The following MALRD1 variants were observed in gnomAD, a reference collection of about 807,000 sequenced individuals.
MALRD1 encodes the protein MAM and LDL-receptor class A domain-containing protein 1.
MALRD1 carries 247 observed loss-of-function variants against 242.1 expected under a neutral mutation model. The observed-to-expected ratio is 1.02, with a 90% CI of 0.92 to 1.13. The LOEUF (loss-of-function observed/expected upper bound fraction) is 1.13. MALRD1 is among the 50% of genes most tolerant of loss of function. The probability of loss-of-function intolerance (pLI) is 0.00; values close to 1 mark genes in which losing one functional copy is unlikely to be tolerated. For missense variants in MALRD1, 2,989 were observed against 2,533.1 expected (o/e 1.18, Z -3.86); for synonymous variants, 995 against 866.6 (o/e 1.15, Z -2.60).
At chr10:19,128,460 C>T (rs79836680) in intron 8 of MALRD1, 73 bp downstream of exon 8, 20 of 1,055,960 alleles carry the variant, frequency 1.9e-5, no homozygotes, top group South Asian at 4.9e-5. Context: ...ACTTGTGTTT[C>T]GATTTCTCAG....
chr10:19,162,830 C>A (rs890112357), intron 12 of MALRD1, among the ~76,000 whole-genome samples: 2 of 151,918 alleles, frequency 1.3e-5, no homozygotes, highest in Non-Finnish European at 2.9e-5. Flanking sequence ...ACCCACAGTA[C>A]TAGAAATTTT....
At chr10:19,101,841 C>A (rs934209578) in intron 4 of MALRD1, among the ~76,000 whole-genome samples, 2 of 135,284 alleles carry the variant, frequency 1.5e-5, no homozygotes, top group Non-Finnish European at 3.1e-5. Flanking sequence ...TATATCTCTA[C>A]TTGGAGATAT....
At chr10:19,065,481 T>C (rs1337667679) in intron 1 of MALRD1, among the ~76,000 whole-genome samples, 1 of 152,058 alleles carries the variant, frequency 6.6e-6, no homozygotes, top group African/African-American at 2.4e-5. Flanking sequence ...TGTAGCTATC[T>C]GCTGGTTTCT....
At chr10:19,238,465 TATA>T (rs1765880477) in intron 18 of MALRD1, among the ~76,000 whole-genome samples, 9 of 40,350 alleles carry the variant, frequency 2.2e-4, no homozygotes, top group Admixed American at 1.9e-3. Context: ...TAATATATAA[TATA>T]ATATATAATA....
chr10:19,670,922 G>A (rs1022297490), intron 36 of MALRD1, among the ~76,000 whole-genome samples: 5 of 145,476 alleles, frequency 3.4e-5, no homozygotes, highest in African/African-American at 1.0e-4. Flanking sequence ...TCTGTTGCCC[G>A]GGCTGGAGTG....
chr10:19,100,790 GT>G (rs1274758354), intron 4 of MALRD1, among the ~76,000 whole-genome samples: 19 of 150,784 alleles, frequency 1.3e-4, no homozygotes, highest in South Asian at 1.0e-3. Context: ...GAGGAATGGT[GT>G]TTTTTTTTGG....
chr10:19,180,018 G>C (rs544340301), intron 14 of MALRD1, among the ~76,000 whole-genome samples: 1 of 152,308 alleles, frequency 6.6e-6, no homozygotes, highest in South Asian at 2.1e-4. Flanking sequence ...TGGTGGATAA[G>C]CTTTTCCAAA....
At chr10:19,147,396 T>C (rs1833760804) in intron 11 of MALRD1, among the ~76,000 whole-genome samples, 1 of 152,196 alleles carries the variant, frequency 6.6e-6, no homozygotes, top group African/African-American at 2.4e-5. Context: ...TCTAGTTAAT[T>C]GTTTAACAGT....
At chr10:19,547,801 T>C (rs1315408678) in intron 32 of MALRD1, among the ~76,000 whole-genome samples, 1 of 14,792 alleles carries the variant, frequency 6.8e-5, no homozygotes, top group Non-Finnish European at 1.7e-4. Context: ...TATATATATA[T>C]ATATATATAT....
At chr10:19,421,372 G>A (rs933658321) in intron 28 of MALRD1, among the ~76,000 whole-genome samples, 2 of 152,172 alleles carry the variant, frequency 1.3e-5, no homozygotes, top group East Asian at 3.9e-4. Flanking sequence ...GGAGATGAAT[G>A]GAGAAAGTCA....
At chr10:19,424,318 C>T (rs1377306034) in intron 28 of MALRD1, among the ~76,000 whole-genome samples, 1 of 152,046 alleles carries the variant, frequency 6.6e-6, no homozygotes, top group East Asian at 1.9e-4. Context: ...CACCACCACG[C>T]TTAGCTCATT....
chr10:19,656,956 A>C (rs1841183514), intron 36 of MALRD1, among the ~76,000 whole-genome samples: 2 of 152,308 alleles, frequency 1.3e-5, no homozygotes, highest in South Asian at 4.1e-4. Flanking sequence ...TAGAGGATCT[A>C]AGAGCATAGT....
At chr10:19,174,706 T>TA (rs1194781374) in intron 13 of MALRD1, among the ~76,000 whole-genome samples, 4 of 152,172 alleles carry the variant, frequency 2.6e-5, no homozygotes, top group Non-Finnish European at 4.4e-5. Flanking sequence ...TCAACCACTG[T>TA]ATGTGGTTAT....
At chr10:19,083,582 T>C (rs1434066934) in intron 2 of MALRD1, among the ~76,000 whole-genome samples, 2 of 151,996 alleles carry the variant, frequency 1.3e-5, no homozygotes, top group Non-Finnish European at 2.9e-5. Context: ...GCTATTATTA[T>C]GTCAATTTCA....
At chr10:19,497,133 T>C (rs2131240861) in intron 30 of MALRD1, among the ~76,000 whole-genome samples, 1 of 152,220 alleles carries the variant, frequency 6.6e-6, no homozygotes, top group East Asian at 1.9e-4. Context: ...AGGGAGTCAC[T>C]TACATAGAAA....
chr10:19,620,240 G>A (rs970498225), intron 36 of MALRD1, among the ~76,000 whole-genome samples: 3 of 151,812 alleles, frequency 2.0e-5, no homozygotes, highest in African/African-American at 7.3e-5. Flanking sequence ...TCTCAGAGGT[G>A]TGGTGTACAG....
chr10:19,124,935 CTTTTTTT>C lies in MALRD1; in HGVS notation c.943+287_943+293del, dbSNP rs1173453764. Reference sequence around the variant, plus strand: ...CGTGTGAACAAAAAGTATTAAAAGGCTTTTTTTTTTTTTTTTTTTTTTTTTTTTGAGA... The same window carrying C: ...CGTGTGAACAAAAAGTATTAAAAGGCTTTTTTTTTTTTTTTTTTTTTGAGA... On this transcript the variant is annotated intron_variant, in intron 7 of 39. Transcript: ENST00000454679. Among the ~76,000 whole-genome samples, 39 of 52,576 alleles carry C rather than the reference CTTTTTTT, an allele frequency of 7.4e-4. No homozygotes were observed. In the South Asian group the frequency reaches 0.011, roughly 15 times the overall value. 34.5% of individuals were successfully genotyped at this position (52,576 alleles called of 152,430 possible).
chr10:19,566,298 AT>A (rs10548629), intron 32 of MALRD1, among the ~76,000 whole-genome samples: 33,653 of 111,294 alleles, frequency 0.3, 3,479 homozygotes, highest in African/African-American at 0.41. Flanking sequence ...TGCCTGGCTA[AT>A]TTTTTTTTTT....
chr10:19,069,259 G>C (rs576626996), intron 2 of MALRD1, among the ~76,000 whole-genome samples: 1 of 151,918 alleles, frequency 6.6e-6, no homozygotes, highest in Non-Finnish European at 1.5e-5. Flanking sequence ...TAGAGCTTTT[G>C]TTATTCTGAT....
Sources: gnomAD v4.1 joint callset for allele counts (sites outside exome capture counted in the v4.1 genomes callset) on GRCh38, gnomAD v4.1.1 for gene constraint, MANE v1.5 for transcripts, NCBI Gene and HGNC (gene_info 2026-07-23, HGNC 2026-07-21) for gene names.